ZFAT: variants seen among roughly 807,000 people sequenced by gnomAD.
ZFAT encodes zinc finger protein ZFAT.
A neutral mutation model predicts 117.7 loss-of-function variants in ZFAT; 64 were observed. That is an observed-to-expected ratio of 0.54 (90% CI 0.44 to 0.67). The LOEUF is 0.67. ZFAT is among the 30% of genes least tolerant of loss of function. The probability of loss-of-function intolerance (pLI) is 0.00; values close to 1 mark genes in which losing one functional copy is unlikely to be tolerated. For synonymous variants in ZFAT, 679 were observed against 615.0 expected, an observed-to-expected ratio of 1.10 and a Z score of -1.54; for missense variants, 1,433 against 1,584.5, an observed-to-expected ratio of 0.90 and a Z score of 1.62.
At chr8:134,733,477 C>T in the ZFAT span, among the ~76,000 whole-genome samples, 1 of 152,208 alleles carries the variant, frequency 6.6e-6, no homozygotes, top group Admixed American at 6.5e-5. Flanking sequence ...GATGAATGGG[C>T]GAGGCCCTGG....
At position 134,588,473 on chromosome 8, in the gene ZFAT, C is replaced by G. The variant is rs894358; in HGVS notation, c.2564-78G>C. 554,897 of 1,432,616 alleles carry G rather than the reference C, an allele frequency of 0.39. 109,275 individuals are homozygous for G. The highest frequency in any genetic ancestry group is 0.57 in the Admixed American group (21,165 of 37,184). The allele number at this position is 1,432,616 out of a possible 1,614,324, so 88.7% of individuals were successfully genotyped here. A position where few individuals can be genotyped will look rare whatever the true frequency, so the allele number is the denominator to read the frequency against. On this transcript the variant is annotated intron_variant, in intron 8 of 15. Coordinates refer to ENST00000377838, the MANE Select transcript of ZFAT (RefSeq NM_020863.4). The stretch of plus-strand genomic sequence containing the variant: ...GACATAAATAAACCTCATTGCTAAG[C>G]AGCACCCACAGGAGGAATCAAGGTG...
chr8:134,674,175 T>C (rs1419249077), intron 1 of ZFAT, among the ~76,000 whole-genome samples: 1 of 152,166 alleles, frequency 6.6e-6, no homozygotes, highest in African/African-American at 2.4e-5. Context: ...TCGGGAGATT[T>C]TCCCTTTCCT....
At chr8:134,650,714 G>A (rs182335917) in intron 2 of ZFAT, among the ~76,000 whole-genome samples, 1 of 152,232 alleles carries the variant, frequency 6.6e-6, no homozygotes, top group East Asian at 1.9e-4. Context: ...GAGACGTATT[G>A]ATCAATGAAA....
the ZFAT span, among the ~76,000 whole-genome samples, chr8:134,729,209 A>G: frequency 6.6e-6 from 1 of 152,160 alleles, no homozygotes; most frequent in Non-Finnish European, 1.5e-5. Flanking sequence ...CACTCTTAAC[A>G]CTACAATTTA....
At chr8:134,782,889 A>G in the ZFAT span, among the ~76,000 whole-genome samples, 1 of 152,024 alleles carries the variant, frequency 6.6e-6, no homozygotes, top group South Asian at 2.1e-4. Flanking sequence ...GAGACAAGTA[A>G]GTTTTATCAT....
chr8:134,714,340 CTGTT>C (rs951310193), upstream of ZFAT, among the ~76,000 whole-genome samples: 4 of 152,230 alleles, frequency 2.6e-5, no homozygotes, highest in Admixed American at 2.6e-4. Context: ...CCCCACTTCT[CTGTT>C]TGCACAGCGT....
At chr8:134,530,951 T>C (rs1020236) in intron 12 of ZFAT, among the ~76,000 whole-genome samples, 35,652 of 152,060 alleles carry the variant, frequency 0.23, 4,374 homozygotes, top group Middle Eastern at 0.28. Flanking sequence ...CTGTGGATTG[T>C]GGTTATCTGC....
chr8:134,534,775 A>AAGAAAGAGAGAG (rs1821707808), intron 11 of ZFAT, among the ~76,000 whole-genome samples: 2 of 136,344 alleles, frequency 1.5e-5, no homozygotes, highest in Admixed American at 1.5e-4. Context: ...GAGAGGGAGA[A>AAGAAAGAGAGAG]AGAGAGAGAG....
chr8:134,550,546 T>C (rs566547595), intron 11 of ZFAT, among the ~76,000 whole-genome samples: 19 of 152,346 alleles, frequency 1.2e-4, no homozygotes, highest in African/African-American at 3.8e-4. Context: ...TCCACACTAA[T>C]TGCCTTTTGT....
chr8:134,530,521 C>G (rs1258958017), intron 12 of ZFAT, among the ~76,000 whole-genome samples: 2 of 152,206 alleles, frequency 1.3e-5, no homozygotes, highest in African/African-American at 4.8e-5. Flanking sequence ...ATTTCAGAGA[C>G]TGTTCTCCTG....
At chr8:134,654,992 G>A (rs1831505806) in intron 2 of ZFAT, among the ~76,000 whole-genome samples, 1 of 152,178 alleles carries the variant, frequency 6.6e-6, no homozygotes, top group South Asian at 2.1e-4. Flanking sequence ...TGTTCCTCAG[G>A]GTGACCCCAA....
At chr8:134,522,762 C>T (rs886932552) in intron 12 of ZFAT, among the ~76,000 whole-genome samples, 3 of 152,220 alleles carry the variant, frequency 2.0e-5, no homozygotes, top group African/African-American at 7.2e-5. Flanking sequence ...ACACTTCCAA[C>T]CTCAAGTATT....
intron 15 of ZFAT, among the ~76,000 whole-genome samples, chr8:134,500,517 G>A (rs1345100727): frequency 6.6e-6 from 1 of 152,084 alleles, no homozygotes. Flanking sequence ...ATATATCATG[G>A]GGCCTATTTT....
At chr8:134,817,754 AAAAG>A in the ZFAT span, among the ~76,000 whole-genome samples, 8 of 152,244 alleles carry the variant, frequency 5.3e-5, no homozygotes, top group Non-Finnish European at 8.8e-5. Flanking sequence ...AACTTTGAAA[AAAAG>A]AAAATTGGAA....
chr8:134,670,320 C>G (rs1832492677), intron 1 of ZFAT, among the ~76,000 whole-genome samples: 1 of 152,252 alleles, frequency 6.6e-6, no homozygotes. Flanking sequence ...CACCACATCA[C>G]ACTTAATCCA....
chr8:134,813,008 T>TA, the ZFAT span, among the ~76,000 whole-genome samples: 5 of 152,318 alleles, frequency 3.3e-5, no homozygotes, highest in East Asian at 3.9e-4. Flanking sequence ...TCTGTGCTGT[T>TA]AACTGAGAAG....
At chr8:134,551,637 C>T (rs927537739) in intron 11 of ZFAT, among the ~76,000 whole-genome samples, 2 of 152,072 alleles carry the variant, frequency 1.3e-5, no homozygotes, top group Non-Finnish European at 2.9e-5. Flanking sequence ...GTGTGGCTTC[C>T]AAACAATCTG....
the ZFAT span, among the ~76,000 whole-genome samples, chr8:134,776,982 T>C: frequency 6.6e-6 from 1 of 152,172 alleles, no homozygotes; most frequent in Non-Finnish European, 1.5e-5. Context: ...CTTCCATCCT[T>C]ACAGAGAAAC....
the ZFAT span, among the ~76,000 whole-genome samples, chr8:134,753,898 T>C: frequency 6.6e-6 from 1 of 152,220 alleles, no homozygotes; most frequent in Non-Finnish European, 1.5e-5. Context: ...ACTGCCTTTT[T>C]GAAAATGAAA....
Sources: allele counts gnomAD v4.1 joint callset (sites outside exome capture counted in the v4.1 genomes callset), GRCh38; gene constraint gnomAD v4.1.1; transcripts MANE v1.5; gene names NCBI Gene and HGNC (gene_info 2026-07-23, HGNC 2026-07-21).